TESK2: variants seen among roughly 807,000 people sequenced by gnomAD.
The protein encoded by TESK2 is dual specificity testis-specific protein kinase 2.
TESK2 carries 39 observed loss-of-function variants against 57.1 expected under a neutral mutation model. The observed-to-expected ratio is 0.68, with a 90% confidence interval of 0.53 to 0.89. The LOEUF is 0.89. Ranked by LOEUF, TESK2 falls within the 40% of genes least tolerant of loss-of-function variation. The probability of loss-of-function intolerance (pLI) is 0.00; values close to 1 mark genes in which losing one functional copy is unlikely to be tolerated. For synonymous variants in TESK2, 249 were observed against 267.9 expected, an observed-to-expected ratio of 0.93 and a Z score of 0.69; for missense variants, 646 against 732.1, an observed-to-expected ratio of 0.88 and a Z score of 1.36.
intron 3 of TESK2, among the ~76,000 whole-genome samples, chr1:45,407,753 G>A (rs775933016): frequency 2.0e-5 from 3 of 152,118 alleles, no homozygotes; most frequent in South Asian, 4.1e-4. Flanking sequence ...CCCCAGCCAC[G>A]TGGAACTACG....
chr1:45,375,311 C>T (rs537847423), intron 4 of TESK2, among the ~76,000 whole-genome samples: 1 of 152,234 alleles, frequency 6.6e-6, no homozygotes, highest in East Asian at 1.9e-4. Context: ...AGTCACATCA[C>T]CCACCTTGGA....
In TESK2 at chr1:45,382,187, T is replaced by C. The variant is rs544039746; in HGVS notation, c.393+3725A>G. Among the ~76,000 whole-genome samples, 8 of 152,304 alleles carry C rather than the reference T, an allele frequency of 5.3e-5. No homozygotes were observed. In the South Asian group the frequency reaches 1.0e-3, roughly 20 times the overall value. On this transcript the variant is annotated intron_variant, in intron 4 of 10. Coordinates refer to ENST00000372086, the MANE Select transcript of TESK2 (RefSeq NM_007170.3). Reference sequence around the variant, plus strand: ...TGCACCCAGCCTCAATACAGATTCATATTTCAACTCATTAAATTTAAAAGG... The same window carrying C: ...TGCACCCAGCCTCAATACAGATTCACATTTCAACTCATTAAATTTAAAAGG...
At chr1:45,400,046 G>A (rs1057271641) in intron 3 of TESK2, among the ~76,000 whole-genome samples, 11 of 152,138 alleles carry the variant, frequency 7.2e-5, no homozygotes, top group East Asian at 1.9e-4. Context: ...TGACTGTGTC[G>A]CATTATATGG....
intron 4 of TESK2, among the ~76,000 whole-genome samples, chr1:45,355,823 G>A (rs1472053912): frequency 6.6e-6 from 1 of 152,194 alleles, no homozygotes; most frequent in Non-Finnish European, 1.5e-5. Context: ...TAGCACGAAA[G>A]ACACAGAGGG....
At chr1:45,374,516 A>G (rs1257271909) in intron 4 of TESK2, among the ~76,000 whole-genome samples, 1 of 152,096 alleles carries the variant, frequency 6.6e-6, no homozygotes, top group Admixed American at 6.6e-5. Flanking sequence ...GAGAGGGAGA[A>G]AAAAAAAGCT....
rs779128952 is a variant in TESK2 at position 45,471,460 on chromosome 1, C to G, written c.-86-13589G>C. 6.0e-4 allele frequency among the ~76,000 whole-genome samples: 90 copies of G among 150,242 alleles called. 1 individual carries two copies. Among genetic ancestry groups the G allele is most frequent in the Middle Eastern group, 3.6e-3 (1 of 276 alleles). On this transcript the variant is annotated intron_variant, in intron 1 of 10. Transcript: ENST00000372086. ...TTGCTCTGTTGCCCAGGCTGGAGAA[C>G]AGTGGTGCGATCTCGGCTCACTGCA...
At chr1:45,366,148 G>A (rs1374054871) in intron 4 of TESK2, among the ~76,000 whole-genome samples, 2 of 151,512 alleles carry the variant, frequency 1.3e-5, no homozygotes, top group African/African-American at 4.9e-5. Flanking sequence ...GTGCAGTGGC[G>A]TGATCCCAGC....
At chr1:45,454,840 G>C (rs1407460569) in intron 2 of TESK2, among the ~76,000 whole-genome samples, 1 of 152,072 alleles carries the variant, frequency 6.6e-6, no homozygotes, top group Non-Finnish European at 1.5e-5. Context: ...TCTAATATAT[G>C]CTACAACATG....
intron 1 of TESK2, among the ~76,000 whole-genome samples, chr1:45,483,037 T>C (rs1653297433): frequency 6.6e-6 from 1 of 150,914 alleles, no homozygotes; most frequent in Admixed American, 6.6e-5. Context: ...CTCAGCACTT[T>C]GGGAGGCTGA....
intron 3 of TESK2, among the ~76,000 whole-genome samples, chr1:45,413,285 A>G (rs1650106333): frequency 6.6e-6 from 1 of 152,188 alleles, no homozygotes; most frequent in Admixed American, 6.6e-5. Context: ...AATTTACACA[A>G]GTACTACCTC....
intron 4 of TESK2, among the ~76,000 whole-genome samples, chr1:45,383,507 C>T (rs1333367456): frequency 1.3e-5 from 2 of 152,128 alleles, no homozygotes; most frequent in African/African-American, 4.8e-5. Flanking sequence ...TTTTATATGG[C>T]TATAAAGAAG....
At chr1:45,386,146 ACC>A (rs1648884185) in intron 3 of TESK2, among the ~76,000 whole-genome samples, 186 bp from the exon 4 acceptor site, 1 of 152,144 alleles carries the variant, frequency 6.6e-6, no homozygotes, top group East Asian at 1.9e-4. Flanking sequence ...GGAGTTCAAG[ACC>A]ATCCTGGCCA....
intron 1 of TESK2, among the ~76,000 whole-genome samples, chr1:45,480,023 A>G (rs956982799): frequency 1.3e-5 from 2 of 151,218 alleles, no homozygotes; most frequent in African/African-American, 4.8e-5. Flanking sequence ...TGATTTCACC[A>G]TGTTGGTCAG....
At chr1:45,468,057 T>A (rs1271902577) in intron 1 of TESK2, among the ~76,000 whole-genome samples, 2 of 151,820 alleles carry the variant, frequency 1.3e-5, no homozygotes, top group African/African-American at 2.4e-5. Flanking sequence ...ACACCTGTAG[T>A]CCTAGCTACT....
intron 4 of TESK2, among the ~76,000 whole-genome samples, chr1:45,363,112 G>T (rs1483950105): frequency 2.6e-5 from 4 of 152,166 alleles, no homozygotes; most frequent in Non-Finnish European, 5.9e-5. Flanking sequence ...TCAAAGGCAA[G>T]GAGTAATTAA....
chr1:45,486,546 G>T (rs1443309628), intron 1 of TESK2, among the ~76,000 whole-genome samples: 1 of 151,498 alleles, frequency 6.6e-6, no homozygotes, highest in East Asian at 2.0e-4. Flanking sequence ...GGTGGCCCTC[G>T]CCTGTAATCC....
chr1:45,435,731 A>G (rs1170438061), intron 2 of TESK2, among the ~76,000 whole-genome samples: 1 of 135,436 alleles, frequency 7.4e-6, no homozygotes, highest in Admixed American at 7.4e-5. Flanking sequence ...AATTATCTTT[A>G]TTTTATTTTA....
At chr1:45,435,929 T>C (rs1184288312) in intron 2 of TESK2, among the ~76,000 whole-genome samples, 1 of 151,848 alleles carries the variant, frequency 6.6e-6, no homozygotes, top group African/African-American at 2.4e-5. Context: ...TCTTGGTACC[T>C]TTGTTGAAAA....
Position 45,491,070 on chromosome 1 carries a change from T to G in TESK2, c.-305A>C, listed in dbSNP as rs1007658006. On this transcript the variant is annotated 5_prime_UTR_variant, in exon 1 of 11. Transcript: ENST00000372086. ...GCCATGGCCCCACAGTCGGGGCCGC[T>G]CCCCCCGCCTGTTTGGCGGGGCCAG... The G allele has an allele frequency of 6.6e-6, 1 of 151,526 alleles. No individual in the cohort carries two copies. The highest frequency in any genetic ancestry group is 1.5e-5 in the Non-Finnish European group (1 of 67,882). The allele number at this position is 151,526 out of a possible 1,614,324, so 9.4% of individuals were successfully genotyped here. A position where few individuals can be genotyped will look rare whatever the true frequency, so the allele number is the denominator to read the frequency against.
Sources: allele counts gnomAD v4.1 joint callset (sites outside exome capture counted in the v4.1 genomes callset), GRCh38; gene constraint gnomAD v4.1.1; transcripts MANE v1.5; gene names NCBI Gene and HGNC (gene_info 2026-07-23, HGNC 2026-07-21).